The following TMEM132C variants were observed in gnomAD, a reference collection of about 807,000 sequenced individuals.
The protein encoded by TMEM132C is protein phosphatase 1, regulatory subunit 152.
Under a neutral mutation model 61.4 loss-of-function variants are expected in TMEM132C, and 29 were observed. The ratio of observed to expected loss-of-function variants is 0.47; its 90% CI spans 0.35 to 0.64. The LOEUF (loss-of-function observed/expected upper bound fraction) is 0.64, where lower values mean the gene tolerates loss of function less well. Ranked by LOEUF, TMEM132C falls within the 30% of genes least tolerant of loss-of-function variation. The pLI, the probability that TMEM132C is intolerant of heterozygous loss-of-function variation, is 0.00. For missense variants in TMEM132C, 1,408 were observed against 1,476.9 expected, an observed-to-expected ratio of 0.95 and a Z score of 0.76; for synonymous variants, 656 against 633.1, an observed-to-expected ratio of 1.04 and a Z score of -0.54.
At chr12:128,447,191 G>A (rs948343928) in intron 2 of TMEM132C, among the ~76,000 whole-genome samples, 1 of 152,132 alleles carries the variant, frequency 6.6e-6, no homozygotes. Context: ...TCCTGCGCCT[G>A]TGTCCACTTA....
intron 1 of TMEM132C, among the ~76,000 whole-genome samples, chr12:128,283,080 C>G (rs1474647196): frequency 6.6e-6 from 1 of 152,164 alleles, no homozygotes; most frequent in Non-Finnish European, 1.5e-5. Flanking sequence ...GATCCTGTTC[C>G]TCATTAGAAT....
chr12:128,321,259 G>T, intron 1 of TMEM132C, among the ~76,000 whole-genome samples: 1 of 151,902 alleles, frequency 6.6e-6, no homozygotes, highest in East Asian at 1.9e-4. Flanking sequence ...GTGGGGAAAT[G>T]GTTAAACAAA....
At chr12:128,650,352 C>T (rs955131369) in intron 4 of TMEM132C, among the ~76,000 whole-genome samples, 3 of 152,038 alleles carry the variant, frequency 2.0e-5, no homozygotes, top group African/African-American at 7.2e-5. Context: ...CCCATGAACA[C>T]CTCATGTAAG....
At chr12:128,329,214 T>G (rs998528700) in intron 1 of TMEM132C, among the ~76,000 whole-genome samples, 3 of 152,202 alleles carry the variant, frequency 2.0e-5, no homozygotes, top group Non-Finnish European at 1.5e-5. Context: ...CGCAATACGG[T>G]TGAACCTTCG....
intron 4 of TMEM132C, among the ~76,000 whole-genome samples, chr12:128,619,957 G>A (rs1325311678): frequency 2.6e-5 from 4 of 152,080 alleles, no homozygotes; most frequent in South Asian, 2.1e-4. Context: ...AAGGCCAGGC[G>A]CGATGGCTCA....
chr12:128,600,204 G>A (rs1876130830), intron 3 of TMEM132C, among the ~76,000 whole-genome samples: 4 of 152,120 alleles, frequency 2.6e-5, no homozygotes, highest in African/African-American at 7.2e-5. Context: ...GGATGGTCTA[G>A]ATCTCCTGAC....
intron 1 of TMEM132C, among the ~76,000 whole-genome samples, chr12:128,374,763 T>TA (rs1485009190): frequency 9.9e-5 from 15 of 151,654 alleles, no homozygotes; most frequent in Middle Eastern, 3.4e-3. Context: ...CTACTAAAAA[T>TA]ACAAAAATTA....
intron 1 of TMEM132C, among the ~76,000 whole-genome samples, chr12:128,391,706 G>A (rs1237850491): frequency 1.3e-5 from 2 of 152,134 alleles, no homozygotes; most frequent in Non-Finnish European, 2.9e-5. Flanking sequence ...ACTAAGGCAC[G>A]AAGAATGAAC....
intron 4 of TMEM132C, among the ~76,000 whole-genome samples, chr12:128,662,741 G>T (rs1374134671): frequency 6.6e-6 from 1 of 152,158 alleles, no homozygotes; most frequent in South Asian, 2.1e-4. Flanking sequence ...AATGTGACTT[G>T]GCTTTTTTTT....
intron 8 of TMEM132C, among the ~76,000 whole-genome samples, chr12:128,698,506 T>C (rs1954781498): frequency 6.6e-6 from 1 of 152,228 alleles, no homozygotes; most frequent in Admixed American, 6.5e-5. Context: ...CTCACCCGTG[T>C]CTCAATCCTT....
At position 128,664,035 on chromosome 12, in the gene TMEM132C, C is replaced by T. The variant is rs1171056159; in HGVS notation, c.1306-5382C>T. Among the ~76,000 whole-genome samples, 42 of 131,010 alleles carry T rather than the reference C, an allele frequency of 3.2e-4. 1 individual carries two copies. The highest frequency in any genetic ancestry group is 6.1e-4 in the Non-Finnish European group (37 of 60,664). 85.9% of individuals were successfully genotyped at this position (131,010 alleles called of 152,430 possible). A position where few individuals can be genotyped will look rare whatever the true frequency, so the allele number is the denominator to read the frequency against. ...ACGCATACACACAGGCACACGCACC[C>T]ACACGCACGCACGCGGGCACTCACA... On this transcript the variant is annotated intron_variant, in intron 4 of 8. Coordinates refer to ENST00000435159, the MANE Select transcript of TMEM132C (RefSeq NM_001136103.3).
intron 4 of TMEM132C, among the ~76,000 whole-genome samples, chr12:128,642,953 T>C (rs368878816): frequency 4.4e-4 from 67 of 152,256 alleles, no homozygotes; most frequent in African/African-American, 1.5e-3. Flanking sequence ...TTTTCGCAAG[T>C]GTCCTAAAGC....
chr12:128,370,389 C>A (rs1277258523), intron 1 of TMEM132C, among the ~76,000 whole-genome samples: 2 of 152,032 alleles, frequency 1.3e-5, no homozygotes, highest in Non-Finnish European at 1.5e-5. Flanking sequence ...AGAATTTACC[C>A]AGGGTGGTCA....
intron 5 of TMEM132C, among the ~76,000 whole-genome samples, chr12:128,691,344 C>A (rs940980995): frequency 2.0e-5 from 3 of 152,252 alleles, no homozygotes; most frequent in African/African-American, 7.2e-5. Flanking sequence ...ACTGCATCGT[C>A]CATCAACCCC....
intron 1 of TMEM132C, among the ~76,000 whole-genome samples, chr12:128,395,656 C>G (rs891349726): frequency 4.6e-5 from 7 of 152,186 alleles, no homozygotes; most frequent in Non-Finnish European, 1.0e-4. Context: ...TATTGAATAT[C>G]TCATGTAATT....
At chr12:128,345,402 A>T (rs1873123310) in intron 1 of TMEM132C, among the ~76,000 whole-genome samples, 1 of 152,216 alleles carries the variant, frequency 6.6e-6, no homozygotes, top group East Asian at 1.9e-4. Context: ...AATGATTTAT[A>T]TTCCTTTGAG....
At chr12:128,336,585 C>T (rs1709705) in intron 1 of TMEM132C, among the ~76,000 whole-genome samples, 12,200 of 152,184 alleles carry the variant, frequency 0.08, 961 homozygotes, top group African/African-American at 0.21. Context: ...AATACACAGT[C>T]ATTTATCCAA....
intron 1 of TMEM132C, among the ~76,000 whole-genome samples, chr12:128,403,773 G>A (rs753896965): frequency 3.9e-5 from 6 of 152,250 alleles, no homozygotes; most frequent in South Asian, 2.1e-4. Flanking sequence ...GTTGAACTTC[G>A]TGTCACTCCA....
intron 1 of TMEM132C, among the ~76,000 whole-genome samples, chr12:128,349,575 G>A (rs978409920): frequency 1.3e-5 from 2 of 152,064 alleles, no homozygotes; most frequent in African/African-American, 4.8e-5. Flanking sequence ...CCTTCTAATT[G>A]CCACTCATAG....
Sources: allele counts gnomAD v4.1 joint callset (sites outside exome capture counted in the v4.1 genomes callset), GRCh38; gene constraint gnomAD v4.1.1; transcripts MANE v1.5; gene names NCBI Gene and HGNC (gene_info 2026-07-23, HGNC 2026-07-21).